HPSE2: variants seen among roughly 807,000 people sequenced by gnomAD.
The protein encoded by HPSE2 is heparanase 2 (inactive).
Under a neutral mutation model 60.5 loss-of-function variants are expected in HPSE2, and 38 were observed. That is an observed-to-expected ratio of 0.63 (90% CI 0.48 to 0.82). HPSE2 has a LOEUF of 0.82. Ranked by LOEUF, HPSE2 falls within the 40% of genes least tolerant of loss-of-function variation. HPSE2 has a pLI of 0.00. For synonymous variants in HPSE2, 295 were observed against 293.2 expected, an observed-to-expected ratio of 1.01 and a Z score of -0.06; for missense variants, 713 against 740.4, an observed-to-expected ratio of 0.96 and a Z score of 0.43.
intron 2 of HPSE2, among the ~76,000 whole-genome samples, chr10:99,192,980 G>T (rs950266612): frequency 3.3e-5 from 5 of 151,984 alleles, no homozygotes; most frequent in Non-Finnish European, 7.4e-5. Flanking sequence ...TAAGTGTGCA[G>T]AAAAATACAA....
At chr10:98,684,064 T>A (rs2134143602) in intron 6 of HPSE2, among the ~76,000 whole-genome samples, 1 of 152,256 alleles carries the variant, frequency 6.6e-6, no homozygotes, top group African/African-American at 2.4e-5. Context: ...TACTACAGGG[T>A]CTCAACGTGT....
intron 3 of HPSE2, among the ~76,000 whole-genome samples, chr10:98,811,914 G>T (rs1174344228): frequency 6.6e-6 from 1 of 152,046 alleles, no homozygotes; most frequent in African/African-American, 2.4e-5. Context: ...TCATTTCATG[G>T]TTTAGTGTTC....
At chr10:98,514,711 GTTTTTTTT>G (rs35977879) in intron 9 of HPSE2, among the ~76,000 whole-genome samples, 2 of 67,726 alleles carry the variant, frequency 3.0e-5, no homozygotes, top group African/African-American at 1.1e-4. Flanking sequence ...TATATACTTT[GTTTTTTTT>G]TTTTTTTTTT....
chr10:98,708,111 T>C (rs1948591916), intron 5 of HPSE2, among the ~76,000 whole-genome samples: 1 of 152,174 alleles, frequency 6.6e-6, no homozygotes, highest in Admixed American at 6.5e-5. Context: ...CCTCACCTAA[T>C]ATTCTGTATA....
chr10:98,746,852 C>A (rs1262943327), intron 3 of HPSE2, among the ~76,000 whole-genome samples: 1 of 151,662 alleles, frequency 6.6e-6, no homozygotes, highest in Non-Finnish European at 1.5e-5. Context: ...GAATTGGTAT[C>A]CTTTGTGGGG....
chr10:98,921,559 C>T (rs995083703), intron 3 of HPSE2, among the ~76,000 whole-genome samples: 5 of 152,228 alleles, frequency 3.3e-5, no homozygotes, highest in African/African-American at 1.2e-4. Context: ...AATTTGTGCT[C>T]CAATTACCAT....
intron 9 of HPSE2, among the ~76,000 whole-genome samples, chr10:98,544,512 C>A (rs1402207596): frequency 6.6e-6 from 1 of 151,788 alleles, no homozygotes; most frequent in African/African-American, 2.4e-5. Flanking sequence ...AGATCGAGAC[C>A]ATCCTGGCTA....
intron 9 of HPSE2, among the ~76,000 whole-genome samples, chr10:98,527,277 T>C (rs965630871): frequency 1.3e-5 from 2 of 152,190 alleles, no homozygotes; most frequent in East Asian, 3.8e-4. Flanking sequence ...AATCCAATTA[T>C]ATCAGTTCCT....
At chr10:98,588,626 G>A (rs552297743) in intron 9 of HPSE2, among the ~76,000 whole-genome samples, 8 of 152,022 alleles carry the variant, frequency 5.3e-5, no homozygotes, top group South Asian at 2.1e-4. Flanking sequence ...CTCAAAATAC[G>A]GACAGCTTAA....
the HPSE2 span, among the ~76,000 whole-genome samples, chr10:99,262,056 G>C: frequency 6.6e-6 from 1 of 152,172 alleles, no homozygotes; most frequent in Admixed American, 6.5e-5. Context: ...CGGCTTAGTG[G>C]CTGAAGACTC....
At chr10:98,805,389 T>C (rs1210458885) in intron 3 of HPSE2, among the ~76,000 whole-genome samples, 1 of 152,192 alleles carries the variant, frequency 6.6e-6, no homozygotes, top group Non-Finnish European at 1.5e-5. Context: ...GGATTGTTTA[T>C]AACACAAAGG....
rs918946281 is a variant in HPSE2, at chr10:98,461,834, A to G, written c.1614-2095T>C. 2.5e-6 allele frequency: 4 copies of G among 1,578,198 alleles called. No individual in the cohort carries two copies. The African/African-American group carries it at 5.4e-5, about 21-fold the overall frequency. ...ATCTTTGGGTTCTGGGGAGTGCAAAACAACGTGTGATTAGCAAACCTTTAA... is the reference window on the plus strand; with the variant it reads ...ATCTTTGGGTTCTGGGGAGTGCAAAGCAACGTGTGATTAGCAAACCTTTAA... On this transcript the variant is annotated intron_variant, in intron 11 of 11. Transcript: ENST00000370552.
At chr10:99,011,504 T>C (rs896654208) in intron 3 of HPSE2, among the ~76,000 whole-genome samples, 5 of 152,092 alleles carry the variant, frequency 3.3e-5, no homozygotes, top group African/African-American at 9.7e-5. Context: ...AAGCCTGTAA[T>C]CCCAGCACTT....
chr10:99,034,358 A>T (rs1289027183), intron 3 of HPSE2, among the ~76,000 whole-genome samples: 1 of 152,188 alleles, frequency 6.6e-6, no homozygotes, highest in African/African-American at 2.4e-5. Flanking sequence ...TGAAGGAAAG[A>T]TAAACTATCA....
rs1177556672 is a variant in HPSE2 at position 99,184,819 on chromosome 10, T to TAG, written c.449-40422_449-40421dup. Reference sequence around the variant, plus strand: ...ATATATATATATATATATATATATATAGAGAGAGAGAGAGAGAGAGAGAGA... The same window carrying TAG: ...ATATATATATATATATATATATATATAGAGAGAGAGAGAGAGAGAGAGAGAGA... On this transcript the variant is annotated intron_variant, in intron 2 of 11. Coordinates refer to ENST00000370552, the MANE Select transcript of HPSE2 (RefSeq NM_021828.5). Among the ~76,000 whole-genome samples the TAG allele has an allele frequency of 4.8e-3, 96 of 19,844 alleles. 3 individuals are homozygous for TAG. Among genetic ancestry groups the TAG allele is most frequent in the East Asian group, 7.7e-3 (4 of 518 alleles). The allele number at this position is 19,844 out of a possible 152,430, so 13.0% of individuals were successfully genotyped here.
chr10:98,613,062 C>CTTTA (rs1945806219), intron 9 of HPSE2, among the ~76,000 whole-genome samples: 1 of 152,138 alleles, frequency 6.6e-6, no homozygotes, highest in Non-Finnish European at 1.5e-5. Flanking sequence ...ATAGCTGGCT[C>CTTTA]TTTACTGTCA....
At chr10:99,258,760 T>A in the HPSE2 span, among the ~76,000 whole-genome samples, 2 of 152,158 alleles carry the variant, frequency 1.3e-5, no homozygotes, top group African/African-American at 4.8e-5. Context: ...GCAAAGGTAG[T>A]TCAATAAAGA....
intron 7 of HPSE2, among the ~76,000 whole-genome samples, chr10:98,631,259 C>G (rs1201775615): frequency 1.3e-5 from 2 of 151,842 alleles, no homozygotes; most frequent in African/African-American, 4.8e-5. Flanking sequence ...AATGTAATTG[C>G]AACAAAACAT....
rs567037714 is a variant in HPSE2 at position 99,167,104 on chromosome 10, G to A, written c.449-22705C>T. ...TGACCCACTGCAGCCTCTGCCTCCC[G>A]GATTCAAGCAATTCTCCTGTCTCAG... On this transcript the variant is annotated intron_variant, in intron 2 of 11. Transcript: ENST00000370552. 4.9e-4 allele frequency among the ~76,000 whole-genome samples: 75 copies of A among 151,984 alleles called. 1 individual carries two copies. The highest frequency in any genetic ancestry group is 2.2e-4 in the Non-Finnish European group (15 of 67,972).
Sources: gnomAD v4.1 joint callset for allele counts (sites outside exome capture counted in the v4.1 genomes callset) on GRCh38, gnomAD v4.1.1 for gene constraint, MANE v1.5 for transcripts, NCBI Gene and HGNC (gene_info 2026-07-23, HGNC 2026-07-21) for gene names.